SLC25A26: variants seen among roughly 807,000 people sequenced by gnomAD.
SLC25A26 encodes the protein mitochondrial S-adenosylmethionine carrier protein.
A neutral mutation model predicts 37.8 loss-of-function variants in SLC25A26; 36 were observed. The ratio of observed to expected loss-of-function variants is 0.95; its 90% CI spans 0.73 to 1.26. The LOEUF (loss-of-function observed/expected upper bound fraction) is 1.26, where lower values mean the gene tolerates loss of function less well. SLC25A26 is among the 50% of genes most tolerant of loss of function. The pLI is 0.00. For synonymous variants in SLC25A26, 129 were observed against 122.5 expected, an observed-to-expected ratio of 1.05 and a Z score of -0.35; for missense variants, 390 against 331.1, an observed-to-expected ratio of 1.18 and a Z score of -1.38.
chr3:66,316,233 G>C (rs181517815), intron 5 of SLC25A26, among the ~76,000 whole-genome samples: 42 of 152,220 alleles, frequency 2.8e-4, no homozygotes, highest in Non-Finnish European at 4.7e-4. Flanking sequence ...ACTTCCATGT[G>C]GTTTCCTAGT....
intron 7 of SLC25A26, among the ~76,000 whole-genome samples, chr3:66,368,200 C>T (rs1338613387): frequency 6.6e-6 from 1 of 152,222 alleles, no homozygotes; most frequent in Non-Finnish European, 1.5e-5. Context: ...GAGTATCCTT[C>T]ACACACGGGT....
intron 9 of SLC25A26, among the ~76,000 whole-genome samples, chr3:66,375,001 A>G (rs186224891): frequency 1.1e-3 from 160 of 152,358 alleles, no homozygotes; most frequent in African/African-American, 3.5e-3. Flanking sequence ...CAAATTGTAA[A>G]TGCAAAGGAA....
rs546509367 is a variant in SLC25A26, at chr3:66,289,763, G to A, written c.453+26384G>A. ...GAAGTCAGGTAGCGTGATGCCTCCA[G>A]CTTTGTTCTTTTGCTTAGGATTGAC... On this transcript the variant is annotated intron_variant, in intron 5 of 9. Transcript: ENST00000354883. Among the ~76,000 whole-genome samples the A allele has an allele frequency of 3.3e-5, 5 of 152,274 alleles. No individual in the cohort carries two copies. The South Asian group carries it at 1.0e-3, about 32-fold the overall frequency.
intron 1 of SLC25A26, among the ~76,000 whole-genome samples, chr3:66,142,905 A>G (rs927225290): frequency 3.3e-5 from 5 of 152,114 alleles, no homozygotes; most frequent in African/African-American, 1.2e-4. Flanking sequence ...CTGGGATTAC[A>G]GGCAGCACCA....
intron 5 of SLC25A26, among the ~76,000 whole-genome samples, chr3:66,278,157 T>G (rs1349447680): frequency 1.3e-5 from 2 of 152,150 alleles, no homozygotes; most frequent in Non-Finnish European, 2.9e-5. Flanking sequence ...AGCCAGCATA[T>G]ATGTGAACTC....
chr3:66,195,124 A>T (rs2106800529), intron 1 of SLC25A26, among the ~76,000 whole-genome samples: 1 of 152,204 alleles, frequency 6.6e-6, no homozygotes, highest in East Asian at 1.9e-4. Context: ...TCACCTTCCC[A>T]CTGCTCCCCA....
At chr3:66,354,157 A>ATT (rs547819510) in intron 6 of SLC25A26, among the ~76,000 whole-genome samples, 2 of 145,402 alleles carry the variant, frequency 1.4e-5, no homozygotes, top group African/African-American at 2.5e-5. Context: ...GTGAGAATGC[A>ATT]TTTTTTTTTT....
chr3:66,183,302 A>G (rs1287430432), intron 1 of SLC25A26, among the ~76,000 whole-genome samples: 2 of 151,716 alleles, frequency 1.3e-5, no homozygotes, highest in East Asian at 3.9e-4. Flanking sequence ...TCACACTACC[A>G]TGACTCTCAG....
intron 1 of SLC25A26, among the ~76,000 whole-genome samples, chr3:66,136,239 T>A: frequency 6.6e-6 from 1 of 152,240 alleles, no homozygotes; most frequent in East Asian, 1.9e-4. Flanking sequence ...GAATGAATGA[T>A]AACATTTCGG....
chr3:66,313,250 A>T (rs1029953861), intron 5 of SLC25A26, among the ~76,000 whole-genome samples: 1 of 152,106 alleles, frequency 6.6e-6, no homozygotes, highest in African/African-American at 2.4e-5. Context: ...TAGAGTTTTT[A>T]TGGTTCTGGG....
At chr3:66,226,018 C>T (rs1456446017) in intron 1 of SLC25A26, among the ~76,000 whole-genome samples, 4 of 152,188 alleles carry the variant, frequency 2.6e-5, no homozygotes, top group African/African-American at 9.7e-5. Flanking sequence ...ACTGTTCCAA[C>T]CCCTGCTTGT....
At chr3:66,150,758 C>T (rs1342110932) in intron 1 of SLC25A26, among the ~76,000 whole-genome samples, 2 of 149,162 alleles carry the variant, frequency 1.3e-5, no homozygotes, top group Admixed American at 6.7e-5. Flanking sequence ...ACTGGCTGGA[C>T]ATTAGAAGTA....
chr3:66,365,349 G>C (rs946929661), intron 7 of SLC25A26, among the ~76,000 whole-genome samples: 2 of 152,162 alleles, frequency 1.3e-5, no homozygotes, highest in South Asian at 4.1e-4. Flanking sequence ...ACTACTTGGC[G>C]CAAATATCCA....
At chr3:66,287,124 A>G (rs1402055333) in intron 5 of SLC25A26, among the ~76,000 whole-genome samples, 1 of 152,040 alleles carries the variant, frequency 6.6e-6, no homozygotes, top group Non-Finnish European at 1.5e-5. Flanking sequence ...GAGAAACCCC[A>G]TCTCTACTAA....
chr3:66,166,026 C>T (rs867174319), intron 1 of SLC25A26, among the ~76,000 whole-genome samples: 7 of 146,226 alleles, frequency 4.8e-5, no homozygotes, highest in South Asian at 2.2e-4. Flanking sequence ...AAAATTAGAA[C>T]AGTTGAATTT....
intron 5 of SLC25A26, among the ~76,000 whole-genome samples, chr3:66,284,153 C>T (rs2074432964): frequency 6.6e-6 from 1 of 151,862 alleles, no homozygotes; most frequent in African/African-American, 2.4e-5. Flanking sequence ...TTGAGACTAG[C>T]CTGGGCAACA....
In SLC25A26 at chr3:66,238,967, A is replaced by T. The variant is rs139343858; in HGVS notation, c.190+2267A>T. Among the ~76,000 whole-genome samples, 769 of 152,294 alleles carry T rather than the reference A, an allele frequency of 5.0e-3. 14 individuals are homozygous for T. The highest frequency in any genetic ancestry group is 0.014 in the African/African-American group (570 of 41,562). On this transcript the variant is annotated intron_variant, in intron 2 of 9. Transcript: ENST00000354883. ...TTGCTGTTTCATTTCTCTAAAAATG[A>T]TTCTTTATGGTACCAATCCTTTCAC...
At chr3:66,271,568 T>C (rs1009965203) in intron 5 of SLC25A26, among the ~76,000 whole-genome samples, 41 of 152,220 alleles carry the variant, frequency 2.7e-4, no homozygotes, top group African/African-American at 9.6e-4. Context: ...TCAGGGCCTT[T>C]ATGAGTTGCG....
At chr3:66,334,525 A>G (rs2076050853) in intron 5 of SLC25A26, among the ~76,000 whole-genome samples, 1 of 152,090 alleles carries the variant, frequency 6.6e-6, no homozygotes, top group Non-Finnish European at 1.5e-5. Flanking sequence ...TATGTTGGCC[A>G]GGCTGGTCTC....
Sources: allele counts gnomAD v4.1 joint callset (sites outside exome capture counted in the v4.1 genomes callset), GRCh38; gene constraint gnomAD v4.1.1; transcripts MANE v1.5; gene names NCBI Gene and HGNC (gene_info 2026-07-23, HGNC 2026-07-21).